The following IQCM variants were observed in gnomAD, a reference collection of about 807,000 sequenced individuals.
IQCM encodes the protein IQ motif containing M.
IQCM carries 45 observed loss-of-function variants against 57.6 expected under a neutral mutation model. The observed-to-expected ratio is 0.78, with a 90% CI of 0.62 to 1.00. The LOEUF is 1.00. Ranked by LOEUF, IQCM falls within the 50% of genes least tolerant of loss-of-function variation. The pLI is 0.00. For synonymous variants in IQCM, 148 were observed against 158.9 expected (o/e 0.93, Z 0.51); for missense variants, 468 against 511.6 (o/e 0.91, Z 0.82).
intron 12 of IQCM, among the ~76,000 whole-genome samples, chr4:149,463,879 G>C (rs1560871665): frequency 6.6e-6 from 1 of 152,098 alleles, no homozygotes; most frequent in African/African-American, 2.4e-5. Context: ...AAATAACTGA[G>C]ACTTAGCTTT....
At chr4:149,436,022 G>A (rs1196760455) in intron 12 of IQCM, among the ~76,000 whole-genome samples, 3 of 151,968 alleles carry the variant, frequency 2.0e-5, no homozygotes, top group Non-Finnish European at 2.9e-5. Context: ...AGTTAGTGTC[G>A]CCTAAGTGTT....
rs115419831 is a variant in IQCM, at chr4:149,492,796, G to C, written c.1228+55659C>G. On this transcript the variant is annotated intron_variant, in intron 12 of 13. Coordinates refer to ENST00000636793, the MANE Select transcript of IQCM (RefSeq NM_001363507.2). Reference sequence around the variant, plus strand: ...GCTTAAAACAAGCTTACCCTTACAAGAATAGCTTAAATTCCCTTTATGATA... The same window carrying C: ...GCTTAAAACAAGCTTACCCTTACAACAATAGCTTAAATTCCCTTTATGATA... Among the ~76,000 whole-genome samples the C allele has an allele frequency of 1.2e-3, 186 of 152,170 alleles. 1 individual carries two copies. Among genetic ancestry groups the C allele is most frequent in the African/African-American group, 4.1e-3 (170 of 41,534 alleles).
chr4:149,441,495 T>G (rs995320658), intron 12 of IQCM, among the ~76,000 whole-genome samples: 1 of 152,180 alleles, frequency 6.6e-6, no homozygotes, highest in Non-Finnish European at 1.5e-5. Context: ...TAATCCTCTG[T>G]GGTTTTCAGC....
In IQCM at chr4:149,509,528, A is replaced by G. The variant is rs542070713; in HGVS notation, c.1228+38927T>C. On this transcript the variant is annotated intron_variant, in intron 12 of 13. Coordinates refer to ENST00000636793, the MANE Select transcript of IQCM (RefSeq NM_001363507.2). ...CCTCCTAAAGTGCTAGGATTACAGCATGAGCCACCACACCCAGCCTAGATT... is the reference window on the plus strand; with the variant it reads ...CCTCCTAAAGTGCTAGGATTACAGCGTGAGCCACCACACCCAGCCTAGATT... Among the ~76,000 whole-genome samples, 24 of 151,964 alleles carry G rather than the reference A, an allele frequency of 1.6e-4. No homozygotes were observed. The East Asian group carries it at 3.9e-3, about 25-fold the overall frequency.
chr4:149,631,871 C>A (rs1372437676), intron 7 of IQCM, among the ~76,000 whole-genome samples: 1 of 152,088 alleles, frequency 6.6e-6, no homozygotes, highest in Non-Finnish European at 1.5e-5. Flanking sequence ...CTTTGGAGGA[C>A]AAGATTAGGA....
intron 13 of IQCM, among the ~76,000 whole-genome samples, chr4:149,429,262 C>T (rs571426796): frequency 7.3e-5 from 11 of 151,698 alleles, no homozygotes; most frequent in Middle Eastern, 3.2e-3. Flanking sequence ...GGAAAGACAA[C>T]GGAAGATAAG....
chr4:149,585,978 C>T (rs1374117786), intron 9 of IQCM, among the ~76,000 whole-genome samples: 1 of 151,562 alleles, frequency 6.6e-6, no homozygotes, highest in East Asian at 2.0e-4. Flanking sequence ...TGTTTAGAGT[C>T]CAGATTATCT....
chr4:149,642,484 A>G (rs1394047), intron 7 of IQCM, among the ~76,000 whole-genome samples: 66,541 of 151,942 alleles, frequency 0.44, 14,942 homozygotes, highest in South Asian at 0.58. Flanking sequence ...TTGCAAAGTA[A>G]CCAGGAATGA....
At chr4:149,478,494 C>T (rs1740443786) in intron 12 of IQCM, among the ~76,000 whole-genome samples, 2 of 152,112 alleles carry the variant, frequency 1.3e-5, no homozygotes, top group Admixed American at 1.3e-4. Flanking sequence ...TGTCATGATA[C>T]ATAATTAGTG....
In IQCM at chr4:149,776,259, CT is replaced by C. The variant is rs1323126461; in HGVS notation, c.-48-33521del. 2.6e-5 allele frequency among the ~76,000 whole-genome samples: 4 copies of C among 152,068 alleles called. No homozygotes were observed. The East Asian group carries it at 7.7e-4, about 29-fold the overall frequency. ...ATGGCACACAATGCTTTGTAGTTTA[CT>C]AAGTTGTTTCAAAAATCTATTTTCT... On this transcript the variant is annotated intron_variant, in intron 2 of 13. Coordinates refer to ENST00000636793, the MANE Select transcript of IQCM (RefSeq NM_001363507.2).
intron 8 of IQCM, among the ~76,000 whole-genome samples, chr4:149,590,697 C>T (rs898556391): frequency 1.3e-5 from 2 of 151,898 alleles, no homozygotes; most frequent in Non-Finnish European, 2.9e-5. Flanking sequence ...TGAGAACATG[C>T]GGTGTTTGGT....
At chr4:149,372,816 TTAG>T in intron 13 of IQCM, among the ~76,000 whole-genome samples, 1 of 152,262 alleles carries the variant, frequency 6.6e-6, no homozygotes, top group Admixed American at 6.5e-5. Flanking sequence ...AGGGACAAAA[TTAG>T]TGGTGTTACA....
intron 9 of IQCM, among the ~76,000 whole-genome samples, chr4:149,582,720 T>C (rs1752322356): frequency 6.6e-6 from 1 of 151,620 alleles, no homozygotes; most frequent in African/African-American, 2.4e-5. Context: ...AGAAATGTTA[T>C]TCACCATACA....
intron 12 of IQCM, among the ~76,000 whole-genome samples, chr4:149,495,831 A>G (rs973077291): frequency 2.6e-5 from 4 of 152,174 alleles, no homozygotes; most frequent in African/African-American, 7.2e-5. Flanking sequence ...TGCCTAAGTC[A>G]TGATATGCTA....
At chr4:149,404,560 CA>C (rs2111145338) in intron 13 of IQCM, among the ~76,000 whole-genome samples, 1 of 151,992 alleles carries the variant, frequency 6.6e-6, no homozygotes, top group Admixed American at 6.6e-5. Flanking sequence ...AGCTAGAAGA[CA>C]ATATCAGAAA....
intron 8 of IQCM, among the ~76,000 whole-genome samples, chr4:149,593,297 C>T (rs1753398642): frequency 6.6e-6 from 1 of 152,084 alleles, no homozygotes; most frequent in Non-Finnish European, 1.5e-5. Flanking sequence ...GATTTTTGCA[C>T]ATTGATTTTG....
rs1767571377 is a variant in IQCM at position 149,742,682 on chromosome 4, C to T, written c.10G>A (p.Glu4Lys). 8.1e-7 allele frequency: 1 copy of T among 1,231,306 alleles called. No homozygotes were observed. The highest frequency in any genetic ancestry group is 1.6e-5 in the African/African-American group (1 of 64,362). The allele number at this position is 1,231,306 out of a possible 1,614,324, so 76.3% of individuals were successfully genotyped here. Residue 4 changes from glutamate (E) to lysine (K), a missense_variant, in exon 3 of 14, where the codon GAA (glutamate) becomes AAA (lysine). Transcript: ENST00000636793. Reference sequence around the variant, plus strand: ...TTTGCTTTTTCAGGCATAGCCTCTTCAGTAGTCATGAGGGGCAGTTAGAAT... The same window carrying T: ...TTTGCTTTTTCAGGCATAGCCTCTTTAGTAGTCATGAGGGGCAGTTAGAAT... Reference protein sequence around the residue: MTTEEAMPEKAKCP... With the variant: MTTKEAMPEKAKCP...
rs190869597 is a variant in IQCM at position 149,814,649 on chromosome 4, T to C, written c.-49+662A>G. Among the ~76,000 whole-genome samples the C allele has an allele frequency of 2.6e-5, 4 of 152,110 alleles. No homozygotes were observed. In the East Asian group the frequency reaches 5.8e-4, roughly 22 times the overall value. On this transcript the variant is annotated intron_variant, in intron 2 of 13. Coordinates refer to ENST00000636793, the MANE Select transcript of IQCM (RefSeq NM_001363507.2). ...AGAATAGCTATTCTAAAACCACTAT[T>C]CACCTCTGTTCCATCCCACTTAGGG...
chr4:149,744,443 C>G (rs1002272681), intron 2 of IQCM, among the ~76,000 whole-genome samples: 1 of 152,172 alleles, frequency 6.6e-6, no homozygotes, highest in Non-Finnish European at 1.5e-5. Context: ...GGACTCTTCT[C>G]TGGGTCTGTT....
Sources: allele counts gnomAD v4.1 joint callset (sites outside exome capture counted in the v4.1 genomes callset), GRCh38; gene constraint gnomAD v4.1.1; transcripts MANE v1.5; gene names NCBI Gene and HGNC (gene_info 2026-07-23, HGNC 2026-07-21).